STPG2: variants seen among roughly 807,000 people sequenced by gnomAD.
STPG2 encodes sperm-tail PG-rich repeat-containing protein 2.
A neutral mutation model predicts 54.2 loss-of-function variants in STPG2; 56 were observed. That is an observed-to-expected ratio of 1.03 (90% confidence interval 0.83 to 1.29). STPG2 has a LOEUF of 1.29. Among genes scored for constraint, STPG2 ranks in the 50% most tolerant of loss-of-function variants. The pLI, the probability that STPG2 is intolerant of heterozygous loss-of-function variation, is 0.00. For synonymous variants in STPG2, 200 were observed against 181.8 expected (o/e 1.10, Z -0.81); for missense variants, 596 against 544.9 (o/e 1.09, Z -0.93).
chr4:98,123,157 T>G (rs1025221188), intron 3 of STPG2, among the ~76,000 whole-genome samples: 1 of 152,158 alleles, frequency 6.6e-6, no homozygotes, highest in African/African-American at 2.4e-5. Context: ...CTGGGTTCAT[T>G]GATTTTTTGA....
At chr4:97,848,225 G>C (rs1479874425) in intron 8 of STPG2, among the ~76,000 whole-genome samples, 3 of 152,024 alleles carry the variant, frequency 2.0e-5, no homozygotes, top group Non-Finnish European at 4.4e-5. Context: ...AGCTAGAAGT[G>C]ATATCTTACT....
intron 5 of STPG2, among the ~76,000 whole-genome samples, chr4:98,026,915 C>T (rs1736442428): frequency 6.6e-6 from 1 of 152,154 alleles, no homozygotes; most frequent in South Asian, 2.1e-4. Context: ...CCATTTTTAA[C>T]TAATTTTTAA....
At chr4:98,078,816 A>C (rs1738251664) in intron 5 of STPG2, among the ~76,000 whole-genome samples, 2 of 152,136 alleles carry the variant, frequency 1.3e-5, no homozygotes, top group South Asian at 4.1e-4. Flanking sequence ...AACCAATTAG[A>C]CTGATTATAT....
chr4:97,497,171 A>C (rs1392061590), intron 4 of STPG2, among the ~76,000 whole-genome samples: 1 of 151,772 alleles, frequency 6.6e-6, no homozygotes, highest in African/African-American at 2.4e-5. Context: ...AACAGAAAAT[A>C]ACACAAGCAG....
At chr4:97,922,680 GCTCT>G (rs921220207) in intron 8 of STPG2, among the ~76,000 whole-genome samples, 6 of 152,316 alleles carry the variant, frequency 3.9e-5, no homozygotes, top group South Asian at 2.1e-4. Flanking sequence ...TTGCCAGATG[GCTCT>G]CTGTTAGGTC....
chr4:97,832,770 A>G (rs1266666464), intron 9 of STPG2, among the ~76,000 whole-genome samples: 1 of 152,176 alleles, frequency 6.6e-6, no homozygotes, highest in Non-Finnish European at 1.5e-5. Context: ...ATTGCCAGAA[A>G]GAGAATAAAA....
intron 10 of STPG2, among the ~76,000 whole-genome samples, chr4:97,640,705 A>G (rs1721738493): frequency 6.6e-6 from 1 of 151,654 alleles, no homozygotes; most frequent in Non-Finnish European, 1.5e-5. Context: ...GTAAATATAA[A>G]CAAAAAATTT....
At chr4:98,025,848 C>T in intron 5 of STPG2, 1 of 1,597,610 alleles carries the variant, frequency 6.3e-7, no homozygotes, top group Non-Finnish European at 8.5e-7. Context: ...AGAACTACCA[C>T]TGGCAATAAA....
chr4:97,668,100 C>T (rs947646745), intron 10 of STPG2, among the ~76,000 whole-genome samples: 14 of 151,898 alleles, frequency 9.2e-5, no homozygotes, highest in East Asian at 7.7e-4. Flanking sequence ...AGTCAATTCA[C>T]GTAACTAATT....
intron 5 of STPG2, among the ~76,000 whole-genome samples, chr4:98,032,919 T>A (rs1736645103): frequency 6.6e-6 from 1 of 152,010 alleles, no homozygotes; most frequent in South Asian, 2.1e-4. Flanking sequence ...ATGTCCCAGA[T>A]CTCTGGGACA....
At chr4:97,553,186 T>C (rs1460885284) in intron 4 of STPG2, among the ~76,000 whole-genome samples, 1 of 152,212 alleles carries the variant, frequency 6.6e-6, no homozygotes, top group Non-Finnish European at 1.5e-5. Flanking sequence ...GGGAGATAAG[T>C]GGCTAAACTG....
chr4:97,630,138 A>T (rs181453199), intron 10 of STPG2, among the ~76,000 whole-genome samples: 17 of 152,100 alleles, frequency 1.1e-4, no homozygotes, highest in African/African-American at 4.1e-4. Flanking sequence ...GCCTAATTTT[A>T]AAAACACAAA....
At chr4:97,543,394 T>A (rs1331181094) in intron 4 of STPG2, among the ~76,000 whole-genome samples, 1 of 151,878 alleles carries the variant, frequency 6.6e-6, no homozygotes. Flanking sequence ...CCTACCTAAG[T>A]AGCTTCTGCT....
intron 4 of STPG2, among the ~76,000 whole-genome samples, chr4:97,446,587 G>T (rs1346806118): frequency 6.6e-6 from 1 of 152,170 alleles, no homozygotes; most frequent in African/African-American, 2.4e-5. Flanking sequence ...CATGTATCAA[G>T]GGAGGGACCA....
In STPG2 at chr4:97,766,612, T is replaced by C. The variant is rs1483813909; in HGVS notation, c.1205-53798A>G. On this transcript the variant is annotated intron_variant, in intron 9 of 10. Transcript: ENST00000295268. ...ATTTTTCCACCCAATATAGGATTTGTAAAACTAAAGAGTTTTAATAGCAAG... is the reference window on the plus strand; with the variant it reads ...ATTTTTCCACCCAATATAGGATTTGCAAAACTAAAGAGTTTTAATAGCAAG... Among the ~76,000 whole-genome samples, 3 of 152,066 alleles carry C rather than the reference T, an allele frequency of 2.0e-5. No individual in the cohort carries two copies. In the East Asian group the frequency reaches 5.8e-4, roughly 29 times the overall value.
At chr4:98,140,695 G>A (rs1740257505) in intron 1 of STPG2, among the ~76,000 whole-genome samples, 1 of 151,866 alleles carries the variant, frequency 6.6e-6, no homozygotes, top group African/African-American at 2.4e-5. Context: ...AAAGGGACCA[G>A]TATTGCTGGA....
At chr4:97,890,708 G>T (rs139836625) in intron 8 of STPG2, among the ~76,000 whole-genome samples, 1 of 151,740 alleles carries the variant, frequency 6.6e-6, no homozygotes, top group Non-Finnish European at 1.5e-5. Flanking sequence ...AACAAAGAAA[G>T]GTAAATGTCT....
intron 5 of STPG2, among the ~76,000 whole-genome samples, chr4:98,034,491 A>G (rs929121332): frequency 6.6e-6 from 1 of 152,214 alleles, no homozygotes; most frequent in African/African-American, 2.4e-5. Flanking sequence ...CATGGATAGG[A>G]AGAATCAATA....
At chr4:97,637,055 A>G (rs1160751532) in intron 10 of STPG2, among the ~76,000 whole-genome samples, 3 of 152,220 alleles carry the variant, frequency 2.0e-5, no homozygotes, top group Non-Finnish European at 2.9e-5. Context: ...AGAATTTTAG[A>G]ACAATATCCT....
Sources: allele counts gnomAD v4.1 joint callset (sites outside exome capture counted in the v4.1 genomes callset), GRCh38; gene constraint gnomAD v4.1.1; transcripts MANE v1.5; gene names NCBI Gene and HGNC (gene_info 2026-07-23, HGNC 2026-07-21).